The following KIAA0825 variants were observed in gnomAD, a reference collection of about 807,000 sequenced individuals.
The protein encoded by KIAA0825 is KIAA0825.
KIAA0825 carries 119 observed loss-of-function variants against 147.6 expected under a neutral mutation model. The observed-to-expected ratio is 0.81, with a 90% CI of 0.69 to 0.94. The LOEUF (loss-of-function observed/expected upper bound fraction) is 0.94, where lower values mean the gene tolerates loss of function less well. Among genes scored for constraint, KIAA0825 ranks in the 40% least tolerant of loss-of-function variants. KIAA0825 has a pLI of 0.00. For synonymous variants in KIAA0825, 470 were observed against 518.1 expected (o/e 0.91, Z 1.26); for missense variants, 1,381 against 1,472.7 (o/e 0.94, Z 1.02).
intron 20 of KIAA0825, among the ~76,000 whole-genome samples, chr5:94,288,127 T>G (rs760198920): frequency 5.9e-5 from 9 of 152,108 alleles, no homozygotes; most frequent in Non-Finnish European, 1.2e-4. Context: ...CACCCAAAGT[T>G]TTTGAGAGGA....
rs1277233716 is a variant in KIAA0825, at chr5:94,195,261, A to G, written c.3711-41137T>C. Among the ~76,000 whole-genome samples, 11 of 152,352 alleles carry G rather than the reference A, an allele frequency of 7.2e-5. 1 individual carries two copies. Among genetic ancestry groups the G allele is most frequent in the East Asian group, 3.9e-4 (2 of 5,192 alleles). ...AGATAAGGCAGAAATAAATGAATACATAAGTGTAGCATCAATGATTTCTAT... is the reference window on the plus strand; with the variant it reads ...AGATAAGGCAGAAATAAATGAATACGTAAGTGTAGCATCAATGATTTCTAT... On this transcript the variant is annotated intron_variant, in intron 20 of 20. Coordinates refer to ENST00000682413, the MANE Select transcript of KIAA0825 (RefSeq NM_001145678.3).
chr5:94,426,499 A>C (rs1754905500), intron 14 of KIAA0825, among the ~76,000 whole-genome samples: 1 of 152,216 alleles, frequency 6.6e-6, no homozygotes, highest in Non-Finnish European at 1.5e-5. Context: ...GGAGGCTATA[A>C]AACTTGATCT....
chr5:94,178,096 A>G (rs533135070), intron 20 of KIAA0825, among the ~76,000 whole-genome samples: 1 of 152,174 alleles, frequency 6.6e-6, no homozygotes, highest in Middle Eastern at 3.4e-3. Flanking sequence ...TTATTCATAT[A>G]AGATTTTCCT....
At position 94,422,159 on chromosome 5, in the gene KIAA0825, T is replaced by C. The variant is rs140483419; in HGVS notation, c.2498-4794A>G. ...AGAAAATAGCAGAAGCAGGAAGGTCTCTTTGACCTACTACTGCCCTTTTAC... is the reference window on the plus strand; with the variant it reads ...AGAAAATAGCAGAAGCAGGAAGGTCCCTTTGACCTACTACTGCCCTTTTAC... On this transcript the variant is annotated intron_variant, in intron 14 of 20. Coordinates refer to ENST00000682413, the MANE Select transcript of KIAA0825 (RefSeq NM_001145678.3). 4.0e-3 allele frequency among the ~76,000 whole-genome samples: 611 copies of C among 152,286 alleles called. 7 individuals are homozygous for C. Among genetic ancestry groups the C allele is most frequent in the Middle Eastern group, 0.02 (6 of 294 alleles).
intron 2 of KIAA0825, among the ~76,000 whole-genome samples, chr5:94,565,345 CTTTTT>C (rs200278201): frequency 7.3e-6 from 1 of 136,982 alleles, no homozygotes. Flanking sequence ...ATTTTAATTC[CTTTTT>C]TTTTTTTTTT....
intron 2 of KIAA0825, among the ~76,000 whole-genome samples, chr5:94,543,242 G>A (rs1232773335): frequency 6.6e-6 from 1 of 152,172 alleles, no homozygotes; most frequent in Non-Finnish European, 1.5e-5. Flanking sequence ...TTGGGAGTTT[G>A]AGACCAGCCT....
intron 16 of KIAA0825, among the ~76,000 whole-genome samples, chr5:94,401,825 A>T (rs1350090908): frequency 1.3e-5 from 2 of 152,196 alleles, no homozygotes; most frequent in East Asian, 3.9e-4. Flanking sequence ...CCTGGTATAT[A>T]GTAGTCTCTC....
At chr5:94,504,863 TCAGCCTC>T (rs1765546772) in intron 5 of KIAA0825, among the ~76,000 whole-genome samples, 3 of 150,394 alleles carry the variant, frequency 2.0e-5, no homozygotes, top group African/African-American at 7.3e-5. Context: ...TTCTCCTGCC[TCAGCCTC>T]CCAAGTAGCT....
chr5:94,157,136 T>C (rs774180555), intron 20 of KIAA0825, among the ~76,000 whole-genome samples: 6 of 152,088 alleles, frequency 3.9e-5, no homozygotes, highest in Non-Finnish European at 7.4e-5. Flanking sequence ...AACCAGAAAA[T>C]GTTGGAAGCA....
intron 2 of KIAA0825, among the ~76,000 whole-genome samples, chr5:94,545,493 C>T (rs1332000321): frequency 3.3e-5 from 5 of 152,166 alleles, no homozygotes; most frequent in Admixed American, 6.5e-5. Context: ...GTAAAGAGGA[C>T]TTTGTCTTGC....
In KIAA0825 at chr5:94,417,377, C is replaced by A. The variant is rs992162499; in HGVS notation, c.2498-12G>T. On this transcript the variant is annotated splice_polypyrimidine_tract_variant and intron_variant, in intron 14 of 20. Transcript: ENST00000682413. ...GTCGGAAACTTGTTCTTGAAAGGTA[C>A]GTTCTTGAAAGGAATCAAAATGATT... is the stretch of plus-strand genomic sequence containing the variant. The A allele has an allele frequency of 2.0e-6, 3 of 1,535,568 alleles. No homozygotes were observed. Among genetic ancestry groups the A allele is most frequent in the Admixed American group, 2.0e-5 (1 of 50,302 alleles).
intron 1 of KIAA0825, among the ~76,000 whole-genome samples, chr5:94,589,986 G>C (rs1184524158): frequency 6.6e-6 from 1 of 151,850 alleles, no homozygotes; most frequent in Admixed American, 6.6e-5. Context: ...GACTCCAATG[G>C]TTTCTTTTTT....
intron 20 of KIAA0825, among the ~76,000 whole-genome samples, chr5:94,290,320 T>C (rs933733919): frequency 1.3e-5 from 2 of 152,132 alleles, no homozygotes; most frequent in African/African-American, 4.8e-5. Context: ...GTGTGTGATG[T>C]TCCCCTCCTT....
At chr5:94,281,293 A>G in intron 20 of KIAA0825, among the ~76,000 whole-genome samples, 1 of 152,046 alleles carries the variant, frequency 6.6e-6, no homozygotes. Context: ...TAAAGTATAG[A>G]CATAAATAAG....
rs1417823697 is a variant in KIAA0825, at chr5:94,520,533, G to A, written c.685C>T (p.Pro229Ser). The A allele has an allele frequency of 1.9e-6, 3 of 1,613,044 alleles. No individual in the cohort carries two copies. Among genetic ancestry groups the A allele is most frequent in the African/African-American group, 1.3e-5 (1 of 74,902 alleles). The change falls in exon 5 of 21, where the codon CCT becomes TCT. Residue 229 changes from proline to serine, a missense_variant. Pro to Ser is a moderately conservative substitution (Grantham distance 74). Coordinates refer to ENST00000682413, the MANE Select transcript of KIAA0825 (RefSeq NM_001145678.3). ...LLANLLWNCF[P>S]SYNRDSNLDV... ...AAATTTGAATCTCTGTTGTAAGAAGGAAAGCAGTTCCACAGAAGATTAGCC... is the reference window on the plus strand; with the variant it reads ...AAATTTGAATCTCTGTTGTAAGAAGAAAAGCAGTTCCACAGAAGATTAGCC...
chr5:94,214,546 C>T (rs949575437), intron 20 of KIAA0825, among the ~76,000 whole-genome samples: 1 of 152,146 alleles, frequency 6.6e-6, no homozygotes, highest in African/African-American at 2.4e-5. Context: ...ACTCTAGTGG[C>T]CCCAGGGCTT....
chr5:94,195,037 T>A, intron 20 of KIAA0825, among the ~76,000 whole-genome samples: 1 of 152,210 alleles, frequency 6.6e-6, no homozygotes, highest in East Asian at 1.9e-4. Context: ...TTAAGAGAGA[T>A]GAGGTAACTT....
chr5:94,434,394 C>T (rs1426071748), intron 14 of KIAA0825, among the ~76,000 whole-genome samples: 1 of 152,150 alleles, frequency 6.6e-6, no homozygotes, highest in Non-Finnish European at 1.5e-5. Context: ...AGTGAAGTTG[C>T]ATCTGAGATT....
chr5:94,469,116 GA>G (rs748739654), intron 10 of KIAA0825, among the ~76,000 whole-genome samples: 15 of 151,970 alleles, frequency 9.9e-5, no homozygotes, highest in Non-Finnish European at 1.9e-4. Context: ...TTCAATTTGG[GA>G]TTTCAAAACA....
Sources: gnomAD v4.1 joint callset for allele counts (sites outside exome capture counted in the v4.1 genomes callset) on GRCh38, gnomAD v4.1.1 for gene constraint, MANE v1.5 for transcripts, NCBI Gene and HGNC (gene_info 2026-07-23, HGNC 2026-07-21) for gene names.